The following ZNF385D variants were observed in gnomAD, a reference collection of about 807,000 sequenced individuals.
The protein encoded by ZNF385D is zinc finger protein 385D.
A neutral mutation model predicts 35.8 loss-of-function variants in ZNF385D; 15 were observed. That is an observed-to-expected ratio of 0.42 (90% CI 0.28 to 0.64). The LOEUF is 0.64. Ranked by LOEUF, ZNF385D falls within the 30% of genes least tolerant of loss-of-function variation. The pLI, the probability that ZNF385D is intolerant of heterozygous loss-of-function variation, is 0.23. For missense variants in ZNF385D, 474 were observed against 494.6 expected (o/e 0.96, Z 0.39); for synonymous variants, 212 against 186.8 (o/e 1.13, Z -1.10).
upstream of ZNF385D, chr3:21,751,328 G>A (rs191637163): frequency 4.3e-4 from 461 of 1,061,168 alleles, 1 homozygote; most frequent in African/African-American, 7.2e-3. Flanking sequence ...AAGCTTTGAC[G>A]AGCCCAGAGA....
At chr3:22,013,532 T>A (rs988252328) in intron 3 of ZNF385D, among the ~76,000 whole-genome samples, 4 of 152,144 alleles carry the variant, frequency 2.6e-5, no homozygotes, top group African/African-American at 9.7e-5. Context: ...AAATAAAGAT[T>A]TGAAAATAGT....
At chr3:22,077,347 G>A (rs934656965) in intron 3 of ZNF385D, among the ~76,000 whole-genome samples, 1 of 151,812 alleles carries the variant, frequency 6.6e-6, no homozygotes, top group Non-Finnish European at 1.5e-5. Flanking sequence ...ATCTTTTGGT[G>A]GTAAAGGTAG....
At position 21,785,153 on chromosome 3, in the gene ZNF385D, C is replaced by T. The variant is rs1047666140; in HGVS notation, c.326-120125G>A. On this transcript the variant is annotated intron_variant, in intron 3 of 5. Transcript: ENST00000494108. Reference sequence around the variant, plus strand: ...GATAAAAGCTTTTTAATAATTTGCCCCCAAATCACGTAACTATTAAGAGAG... The same window carrying T: ...GATAAAAGCTTTTTAATAATTTGCCTCCAAATCACGTAACTATTAAGAGAG... 8.5e-5 allele frequency among the ~76,000 whole-genome samples: 13 copies of T among 152,058 alleles called. No individual in the cohort carries two copies. The East Asian group carries it at 2.5e-3, about 29-fold the overall frequency.
At chr3:21,610,064 T>C (rs958708390) in intron 2 of ZNF385D, among the ~76,000 whole-genome samples, 2 of 152,186 alleles carry the variant, frequency 1.3e-5, no homozygotes, top group Non-Finnish European at 2.9e-5. Flanking sequence ...TGTTATTACT[T>C]TCTTTAAATA....
intron 1 of ZNF385D, among the ~76,000 whole-genome samples, chr3:21,743,595 A>G (rs1420224243): frequency 6.6e-6 from 1 of 152,194 alleles, no homozygotes; most frequent in Admixed American, 6.5e-5. Flanking sequence ...TACAGCCTCA[A>G]ATGGTGGAAA....
chr3:22,205,955 CAT>C (rs933662828), intron 2 of ZNF385D, among the ~76,000 whole-genome samples: 73 of 152,064 alleles, frequency 4.8e-4, no homozygotes, highest in African/African-American at 1.7e-3. Context: ...CATCAAAAGA[CAT>C]AGAGTGGCTG....
At chr3:22,165,151 T>C (rs73048930) in intron 3 of ZNF385D, among the ~76,000 whole-genome samples, 14,036 of 152,252 alleles carry the variant, frequency 0.092, 855 homozygotes, top group Middle Eastern at 0.24. Flanking sequence ...ATGTAAACTA[T>C]AGACTTTGGG....
intron 3 of ZNF385D, chr3:21,562,207 GGAAAT>G (rs1389133245): frequency 2.0e-5 from 3 of 151,942 alleles, no homozygotes; most frequent in East Asian, 1.9e-4. Flanking sequence ...CTCTCACCAT[GGAAAT>G]GAAATAAGAA....
At chr3:22,270,889 C>T (rs1701142041) in intron 2 of ZNF385D, among the ~76,000 whole-genome samples, 1 of 152,052 alleles carries the variant, frequency 6.6e-6, no homozygotes, top group South Asian at 2.1e-4. Context: ...AAATAAAAAA[C>T]TAATATCACA....
At chr3:21,988,147 C>G (rs1694921808) in intron 3 of ZNF385D, among the ~76,000 whole-genome samples, 1 of 130,728 alleles carries the variant, frequency 7.6e-6, no homozygotes, top group African/African-American at 2.8e-5. Context: ...ATTTGATCAT[C>G]TGAAGCCTTC....
At chr3:21,485,862 C>T (rs1235683604) in intron 4 of ZNF385D, among the ~76,000 whole-genome samples, 17 of 151,854 alleles carry the variant, frequency 1.1e-4, no homozygotes, top group Admixed American at 1.1e-3. Flanking sequence ...GTCCAAATCT[C>T]ATCTTCTTTT....
intron 3 of ZNF385D, among the ~76,000 whole-genome samples, chr3:21,855,874 TA>T (rs1220375672): frequency 6.6e-6 from 1 of 151,212 alleles, no homozygotes; most frequent in Non-Finnish European, 1.5e-5. Flanking sequence ...ATTTTTTTTT[TA>T]GTTTATTTAC....
At chr3:21,564,794 C>G (rs1237361110) in intron 2 of ZNF385D, 110 bp from the exon 3 acceptor site, 2 of 479,384 alleles carry the variant, frequency 4.2e-6, no homozygotes, top group East Asian at 6.7e-5. Context: ...ATCTACTGCT[C>G]ACATTATAAA....
intron 2 of ZNF385D, among the ~76,000 whole-genome samples, chr3:22,291,973 G>A (rs1458279574): frequency 6.6e-6 from 1 of 151,814 alleles, no homozygotes; most frequent in Non-Finnish European, 1.5e-5. Context: ...TCTAGAACTG[G>A]TTAATCTTCA....
At chr3:22,146,478 A>G (rs1704862368) in intron 3 of ZNF385D, among the ~76,000 whole-genome samples, 1 of 152,146 alleles carries the variant, frequency 6.6e-6, no homozygotes. Context: ...CAAACTGAAC[A>G]TTTGAAGTAA....
intron 3 of ZNF385D, among the ~76,000 whole-genome samples, chr3:21,809,446 T>C (rs181824183): frequency 6.6e-6 from 1 of 152,052 alleles, no homozygotes; most frequent in East Asian, 1.9e-4. Context: ...AAGATAACTG[T>C]ATCATAAAGG....
intron 3 of ZNF385D, among the ~76,000 whole-genome samples, chr3:22,158,142 G>A (rs952065453): frequency 3.9e-5 from 6 of 152,038 alleles, no homozygotes; most frequent in African/African-American, 1.4e-4. Flanking sequence ...TTCACTTTCT[G>A]ACATCTCCGG....
At chr3:22,073,593 T>A (rs1392854992) in intron 3 of ZNF385D, among the ~76,000 whole-genome samples, 1 of 151,970 alleles carries the variant, frequency 6.6e-6, no homozygotes, top group Non-Finnish European at 1.5e-5. Flanking sequence ...ATTTATGCCA[T>A]GAATTATGAG....
intron 3 of ZNF385D, among the ~76,000 whole-genome samples, chr3:21,824,426 T>C (rs1694467603): frequency 6.9e-6 from 1 of 145,116 alleles, no homozygotes; most frequent in Non-Finnish European, 1.5e-5. Context: ...AAAAACAAAA[T>C]CTTCTTCTTT....
Sources: allele counts gnomAD v4.1 joint callset (sites outside exome capture counted in the v4.1 genomes callset), GRCh38; gene constraint gnomAD v4.1.1; transcripts MANE v1.5; gene names NCBI Gene and HGNC (gene_info 2026-07-23, HGNC 2026-07-21).